PTPRD: variants seen among roughly 807,000 people sequenced by gnomAD.
The protein encoded by PTPRD is protein tyrosine phosphatase receptor type D, also known as receptor-type tyrosine-protein phosphatase delta.
PTPRD carries 34 observed loss-of-function variants against 214.5 expected under a neutral mutation model. That is an observed-to-expected ratio of 0.16 (90% CI 0.12 to 0.21). The LOEUF (loss-of-function observed/expected upper bound fraction) is 0.21, where lower values mean the gene tolerates loss of function less well. Among genes scored for constraint, PTPRD ranks in the 10% least tolerant of loss-of-function variants. PTPRD has a pLI of 1.00. For synonymous variants in PTPRD, 1,128 were observed against 845.7 expected (o/e 1.33, Z -5.79); for missense variants, 2,545 against 2,398.7 (o/e 1.06, Z -1.27).
At chr9:9,890,064 C>T (rs2072694363) in intron 5 of PTPRD, among the ~76,000 whole-genome samples, 1 of 152,068 alleles carries the variant, frequency 6.6e-6, no homozygotes, top group Admixed American at 6.6e-5. Flanking sequence ...GAGCTTCTCT[C>T]TTAAATTGGT....
intron 11 of PTPRD, among the ~76,000 whole-genome samples, chr9:8,869,937 A>G (rs2098266680): frequency 6.6e-6 from 1 of 152,102 alleles, no homozygotes; most frequent in Non-Finnish European, 1.5e-5. Flanking sequence ...CAGAGAACAC[A>G]GGCTTCCTTC....
intron 5 of PTPRD, among the ~76,000 whole-genome samples, chr9:9,858,195 G>A (rs542431400): frequency 1.3e-5 from 2 of 152,178 alleles, no homozygotes; most frequent in South Asian, 2.1e-4. Context: ...ATTAAAATAC[G>A]GATTATTTCA....
intron 11 of PTPRD, among the ~76,000 whole-genome samples, chr9:8,880,816 A>G (rs1055436084): frequency 2.0e-5 from 3 of 152,082 alleles, no homozygotes; most frequent in Non-Finnish European, 4.4e-5. Flanking sequence ...ACAGTGTCTG[A>G]CTCTGTCATC....
At chr9:9,630,942 T>A (rs1006781106) in intron 7 of PTPRD, among the ~76,000 whole-genome samples, 2 of 151,950 alleles carry the variant, frequency 1.3e-5, no homozygotes, top group African/African-American at 4.8e-5. Context: ...ACAAAAAGGA[T>A]AAAATACAGG....
intron 3 of PTPRD, among the ~76,000 whole-genome samples, chr9:10,175,675 T>C (rs1373750022): frequency 6.6e-6 from 1 of 152,024 alleles, no homozygotes; most frequent in Non-Finnish European, 1.5e-5. Flanking sequence ...TATGTTGAAA[T>C]ATTCTTTCCA....
At chr9:9,818,158 T>A (rs1029653725) in intron 5 of PTPRD, among the ~76,000 whole-genome samples, 2 of 152,160 alleles carry the variant, frequency 1.3e-5, no homozygotes. Flanking sequence ...AGAAATAATA[T>A]GTATTTTTAA....
intron 11 of PTPRD, among the ~76,000 whole-genome samples, chr9:8,957,416 C>T (rs1055127253): frequency 4.0e-5 from 6 of 151,572 alleles, no homozygotes; most frequent in South Asian, 4.2e-4. Context: ...CCTTACTGAA[C>T]GCCTTACTGA....
intron 10 of PTPRD, among the ~76,000 whole-genome samples, chr9:9,161,361 G>A (rs958112083): frequency 6.6e-6 from 1 of 152,054 alleles, no homozygotes; most frequent in Non-Finnish European, 1.5e-5. Context: ...TTAGTGGTCA[G>A]GAGATAAAAT....
chr9:9,742,520 C>A (rs866773204), intron 6 of PTPRD, among the ~76,000 whole-genome samples: 3 of 151,982 alleles, frequency 2.0e-5, no homozygotes, highest in African/African-American at 7.2e-5. Context: ...GAAAAGGGTA[C>A]TATTCATACC....
intron 7 of PTPRD, among the ~76,000 whole-genome samples, chr9:9,724,230 T>C (rs148473016): frequency 2.0e-5 from 3 of 152,292 alleles, no homozygotes; most frequent in African/African-American, 7.2e-5. Flanking sequence ...TCAATGTACC[T>C]GTTCTTTTTT....
At chr9:8,664,336 G>T (rs145089125) in intron 12 of PTPRD, among the ~76,000 whole-genome samples, 3 of 152,224 alleles carry the variant, frequency 2.0e-5, no homozygotes, top group African/African-American at 4.8e-5. Flanking sequence ...GACCATCAAG[G>T]TTCAAAATTT....
At chr9:10,603,914 T>C (rs1052574784) in intron 2 of PTPRD, among the ~76,000 whole-genome samples, 1 of 151,940 alleles carries the variant, frequency 6.6e-6, no homozygotes, top group African/African-American at 2.4e-5. Context: ...CAGATTATTA[T>C]ATGGATGAGA....
At chr9:8,803,561 C>A (rs554354790) in intron 11 of PTPRD, among the ~76,000 whole-genome samples, 1 of 151,738 alleles carries the variant, frequency 6.6e-6, no homozygotes, top group Admixed American at 6.6e-5. Flanking sequence ...AGTGAAACCC[C>A]GGTTCTACAA....
intron 7 of PTPRD, among the ~76,000 whole-genome samples, chr9:9,656,191 C>T (rs2154376498): frequency 6.6e-6 from 1 of 152,260 alleles, no homozygotes; most frequent in Admixed American, 6.5e-5. Context: ...AATGATACAG[C>T]CATTTTGGAA....
intron 3 of PTPRD, among the ~76,000 whole-genome samples, chr9:10,197,570 A>T (rs1484537220): frequency 1.3e-5 from 2 of 152,088 alleles, no homozygotes. Context: ...GTACGTTTTG[A>T]CTGTCTTTAC....
chr9:8,324,424 A>T (rs1175773897), intron 44 of PTPRD, among the ~76,000 whole-genome samples: 2 of 152,212 alleles, frequency 1.3e-5, no homozygotes, highest in East Asian at 3.9e-4. Context: ...TGCAAAGGAC[A>T]TGAACTCATC....
intron 11 of PTPRD, among the ~76,000 whole-genome samples, chr9:8,842,410 G>C (rs547848634): frequency 1.3e-5 from 2 of 152,154 alleles, no homozygotes; most frequent in African/African-American, 4.8e-5. Context: ...ATGAATAAAA[G>C]TTAGGGTATA....
At chr9:9,765,135 T>C (rs532664608) in intron 6 of PTPRD, among the ~76,000 whole-genome samples, 20 of 152,228 alleles carry the variant, frequency 1.3e-4, no homozygotes, top group Admixed American at 5.9e-4. Flanking sequence ...TTTACAGATA[T>C]GGAAAATGAC....
At chr9:9,935,458 A>G (rs2088850317) in intron 5 of PTPRD, among the ~76,000 whole-genome samples, 1 of 152,016 alleles carries the variant, frequency 6.6e-6, no homozygotes, top group Non-Finnish European at 1.5e-5. Flanking sequence ...CCAAATCATG[A>G]GTGAACTCCC....
Sources: allele counts gnomAD v4.1 joint callset (sites outside exome capture counted in the v4.1 genomes callset), GRCh38; gene constraint gnomAD v4.1.1; transcripts MANE v1.5; gene names NCBI Gene and HGNC (gene_info 2026-07-23, HGNC 2026-07-21).